Variants in DNAH17 observed in about 807,000 individuals in gnomAD.
The protein encoded by DNAH17 is axonemal beta dynein heavy chain 17.
Under a neutral mutation model 485.6 loss-of-function variants are expected in DNAH17, and 376 were observed. The observed-to-expected ratio is 0.77, with a 90% CI of 0.71 to 0.84. DNAH17 has a LOEUF of 0.84. Ranked by LOEUF, DNAH17 falls within the 40% of genes least tolerant of loss-of-function variation. The pLI, the probability that DNAH17 is intolerant of heterozygous loss-of-function variation, is 0.00. For synonymous variants in DNAH17, 3,031 were observed against 2,405.9 expected (o/e 1.26, Z -7.60); for missense variants, 6,370 against 5,839.3 (o/e 1.09, Z -2.96).
At chr17:78,441,415 C>T (rs2087071472) in intron 71 of DNAH17, among the ~76,000 whole-genome samples, 1 of 152,200 alleles carries the variant, frequency 6.6e-6, no homozygotes, top group African/African-American at 2.4e-5. Flanking sequence ...TCCCGAGGGG[C>T]CCCGCACTGT....
In DNAH17 at chr17:78,428,593, T is replaced by C; in HGVS notation, c.12520A>G (p.Thr4174Ala). Reference protein sequence around the residue: ...LTVTSEKLFRTVLEMQPKETD... With the variant: ...LTVTSEKLFRAVLEMQPKETD... Reference sequence around the variant, plus strand: ...TCTTTTGGCTGCATTTCCAGGACAGTGCGGAACAGCTTCTCTGAGGTGACC... The same window carrying C: ...TCTTTTGGCTGCATTTCCAGGACAGCGCGGAACAGCTTCTCTGAGGTGACC... Residue 4174 changes from threonine (T) to alanine (A), a missense_variant, in exon 77 of 81, where the codon ACT becomes GCT. Physicochemically the swap from Thr to Ala is moderately conservative, Grantham distance 58 (BLOSUM62 0). Transcript: ENST00000389840. The C allele has an allele frequency of 6.2e-7, 1 of 1,613,924 alleles. No individual in the cohort carries two copies. The highest frequency in any genetic ancestry group is 1.1e-5 in the South Asian group (1 of 91,068).
chr17:78,560,751 A>G lies in DNAH17; in HGVS notation c.2020T>C (p.Phe674Leu). ...CTCCTGGCACCCACCGCTTTGCTGA[A>G]GTTGACGTGGATGAGGTTGCTAGCG... ...DAASNLIHVN[F>L]SKALVAVLRE... The change falls in exon 13 of 81, where the codon TTC becomes CTC. Residue 674 changes from phenylalanine to leucine, a missense_variant. By Grantham distance (22) the Phe-to-Leu change is conservative (BLOSUM62 0). Coordinates refer to ENST00000389840, the MANE Select transcript of DNAH17 (RefSeq NM_173628.4). The G allele has an allele frequency of 1.9e-6, 3 of 1,550,594 alleles. No individual in the cohort carries two copies. Among genetic ancestry groups the G allele is most frequent in the Non-Finnish European group, 2.6e-6 (3 of 1,146,138 alleles).
At position 78,425,586 on chromosome 17, in the gene DNAH17, G is replaced by A. The variant is rs763797219; in HGVS notation, c.12916-15C>T. 29 of 1,588,980 alleles carry A rather than the reference G, an allele frequency of 1.8e-5. No individual in the cohort carries two copies. Among genetic ancestry groups the A allele is most frequent in the Admixed American group, 3.5e-5 (2 of 56,404 alleles). On this transcript the variant is annotated splice_polypyrimidine_tract_variant and intron_variant, in intron 79 of 80. Transcript: ENST00000389840. Reference sequence around the variant, plus strand: ...GCCTCGAGTTCCTGCAAGGACACACGAGCCGCTAGGAGGAGAGGACATAGA... The same window carrying A: ...GCCTCGAGTTCCTGCAAGGACACACAAGCCGCTAGGAGGAGAGGACATAGA...
intron 14 of DNAH17, among the ~76,000 whole-genome samples, chr17:78,557,636 CAAAAA>C (rs34251460): frequency 4.8e-4 from 14 of 29,034 alleles, no homozygotes; most frequent in East Asian, 1.7e-3. Flanking sequence ...GAGACTGTCT[CAAAAA>C]AAAAAAAAAA....
At position 78,450,759 on chromosome 17, in the gene DNAH17, C is replaced by G; in HGVS notation, c.10822G>C (p.Gly3608Arg). The G allele has an allele frequency of 6.2e-7, 1 of 1,614,038 alleles. No individual in the cohort carries two copies. Among genetic ancestry groups the G allele is most frequent in the Admixed American group, 1.7e-5 (1 of 60,020 alleles). The change falls in exon 67 of 81, where the codon GGG becomes CGG. Residue 3608 changes from glycine (G) to arginine (R), a missense_variant. Transcript: ENST00000389840. ...SLLARLSAAS[G>R]NFLGDTALVE... ...AAGGCCGTGTCTCCCAGAAAGTTCC[C>G]CGACGCAGCCGACAGACGGGCCAGG...
intron 14 of DNAH17, among the ~76,000 whole-genome samples, chr17:78,553,275 GTTTTTGTGTTTTTTTTTTTTTTTTT>G (rs1213806444): frequency 1.0e-5 from 1 of 98,404 alleles, no homozygotes; most frequent in Non-Finnish European, 2.1e-5. Flanking sequence ...CCAGTCCCAG[GTTTTTGTGTTTTTTTTTTTTTTTTT>G]TTTTTTTTTT....
At chr17:78,521,348 G>C (rs2090928661) in intron 25 of DNAH17, among the ~76,000 whole-genome samples, 1 of 152,148 alleles carries the variant, frequency 6.6e-6, no homozygotes. Context: ...GGAGGTTGCA[G>C]TGAGCCAAGA....
In DNAH17 at chr17:78,494,677, G is replaced by A. The variant is rs766436820; in HGVS notation, c.6186C>T (p.Asp2062=). The change falls in exon 40 of 81, where the codon GAC becomes GAT. Residue 2062 remains aspartate (D), a synonymous_variant. Coordinates refer to ENST00000389840, the MANE Select transcript of DNAH17 (RefSeq NM_173628.4). The part of the protein sequence containing the change: ...RDFNIPKIVT[D]DLPVFMGLIG... ...TCAGTCCCATGAATACGGGCAGGTC[G>A]TCTGTCACAATCTTGGGGATGTTGA... 1.1e-5 allele frequency: 17 copies of A among 1,613,828 alleles called. No individual in the cohort carries two copies. The highest frequency in any genetic ancestry group is 1.7e-5 in the Admixed American group (1 of 60,006).
At chr17:78,504,225 C>A (rs1014160919) in intron 31 of DNAH17, among the ~76,000 whole-genome samples, 1 of 152,004 alleles carries the variant, frequency 6.6e-6, no homozygotes, top group Non-Finnish European at 1.5e-5. Flanking sequence ...GCCACCACAC[C>A]TGGTTAATTT....
intron 31 of DNAH17, among the ~76,000 whole-genome samples, chr17:78,504,709 C>T (rs1053975005): frequency 1.8e-4 from 27 of 152,050 alleles, no homozygotes; most frequent in South Asian, 6.2e-4. Context: ...AGAAGGAGCC[C>T]GCCCTGAGCC....
At chr17:78,512,549 G>C (rs2090661145) in intron 26 of DNAH17, among the ~76,000 whole-genome samples, 1 of 147,252 alleles carries the variant, frequency 6.8e-6, no homozygotes, top group Admixed American at 7.0e-5. Flanking sequence ...AGAAGAAGCA[G>C]ATACAAGAGA....
Position 78,551,505 on chromosome 17 carries a change from G to A in DNAH17, c.2391+30C>T, listed in dbSNP as rs576203149. On this transcript the variant is annotated intron_variant, in intron 16 of 80. Coordinates refer to ENST00000389840, the MANE Select transcript of DNAH17 (RefSeq NM_173628.4). Reference sequence around the variant, plus strand: ...CAGGGCAGCCCCAGGCCCCCACAAAGCCCCACTCTGTGCTCTGCCCCTTGC... The same window carrying A: ...CAGGGCAGCCCCAGGCCCCCACAAAACCCCACTCTGTGCTCTGCCCCTTGC... 8 of 1,605,210 alleles carry A rather than the reference G, an allele frequency of 5.0e-6. No homozygotes were observed. The Admixed American group carries it at 6.7e-5, about 13-fold the overall frequency.
intron 11 of DNAH17, among the ~76,000 whole-genome samples, chr17:78,562,607 G>A (rs2092180872): frequency 6.6e-6 from 1 of 152,110 alleles, no homozygotes. Context: ...GGGCAACAGA[G>A]CAAGACCCTG....
chr17:78,507,489 T>A lies in DNAH17; in HGVS notation c.4553A>T (p.Gln1518Leu), dbSNP rs1413911736. 2 of 1,612,904 alleles carry A rather than the reference T, an allele frequency of 1.2e-6. No individual in the cohort carries two copies. Among genetic ancestry groups the A allele is most frequent in the East Asian group, 4.5e-5 (2 of 44,838 alleles). The part of the protein sequence containing the change: ...DIRTQLPGDS[Q>L]RFDDINQEFK... ...TTCCTGGTTGATGTCGTCAAAGCGCTGGGAGTCCCCCGGGAGCTGGGTGCG... is the reference window on the plus strand; with the variant it reads ...TTCCTGGTTGATGTCGTCAAAGCGCAGGGAGTCCCCCGGGAGCTGGGTGCG... The change falls in exon 28 of 81, where the codon CAG becomes CTG. Residue 1518 changes from glutamine to leucine, a missense_variant. Physicochemically the swap from Gln to Leu is moderately radical, Grantham distance 113. Coordinates refer to ENST00000389840, the MANE Select transcript of DNAH17 (RefSeq NM_173628.4).
At chr17:78,494,207 T>G in intron 40 of DNAH17, 34 bp from the exon 41 acceptor site, 1 of 1,588,300 alleles carries the variant, frequency 6.3e-7, no homozygotes, top group African/African-American at 1.3e-5. Flanking sequence ...GGTGAGGAAC[T>G]GAAGCAGCTT....
chr17:78,571,627 T>C lies in DNAH17; in HGVS notation c.695A>G (p.Asp232Gly). ...GCACTTGAGGTTCAGCAGCCGAGTG[T>C]CCCAGAACTCGAACTCCACTTGGGG... ...PLPQVEFEFW[D>G]TRLLNLKCIH... is the part of the protein sequence containing the mutation. The change falls in exon 4 of 81, where the codon GAC becomes GGC. Residue 232 changes from aspartate to glycine, a missense_variant. Coordinates refer to ENST00000389840, the MANE Select transcript of DNAH17 (RefSeq NM_173628.4). The C allele has an allele frequency of 6.2e-7, 1 of 1,613,960 alleles. No homozygotes were observed. The highest frequency in any genetic ancestry group is 8.5e-7 in the Non-Finnish European group (1 of 1,179,896).
At chr17:78,432,902 G>GCCCGCC (rs1555650504) in intron 75 of DNAH17, among the ~76,000 whole-genome samples, 1 of 61,354 alleles carries the variant, frequency 1.6e-5, no homozygotes, top group African/African-American at 9.7e-5. Context: ...CTTCAAACGT[G>GCCCGCC]CCCCCCCCCC....
In DNAH17 at chr17:78,552,835, C is replaced by T. The variant is rs776127276; in HGVS notation, c.2179-30G>A. On this transcript the variant is annotated intron_variant, in intron 14 of 80. Transcript: ENST00000389840. ...AAAACAGAGGTGACAGGTTTTGTTC[C>T]GAGTCCAACCAGATTTTAAATTGTT... The T allele has an allele frequency of 8.8e-5, 130 of 1,480,512 alleles. 1 individual carries two copies. The East Asian group carries it at 2.5e-3, about 29-fold the overall frequency. 91.7% of individuals were successfully genotyped at this position (1,480,512 alleles called of 1,614,324 possible).
chr17:78,532,558 G>A lies in DNAH17; in HGVS notation c.3038C>T (p.Thr1013Ile), dbSNP rs1002857750. Reference sequence around the variant, plus strand: ...TGTCCAGGTGTCCAAGTCCTCCGCAGTGACTGCACACCCATATATCAGGAA... The same window carrying A: ...TGTCCAGGTGTCCAAGTCCTCCGCAATGACTGCACACCCATATATCAGGAA... ...KNFLIYGCAV[T>I]AEDLDTWTDD... Residue 1013 changes from threonine to isoleucine, a missense_variant, in exon 20 of 81, where the codon ACT (threonine) becomes ATT (isoleucine). Physicochemically the swap from Thr to Ile is moderately conservative, Grantham distance 89 (BLOSUM62 -1). Coordinates refer to ENST00000389840, the MANE Select transcript of DNAH17 (RefSeq NM_173628.4). 6.2e-7 allele frequency: 1 copy of A among 1,610,610 alleles called. No homozygotes were observed. Among genetic ancestry groups the A allele is most frequent in the Non-Finnish European group, 8.5e-7 (1 of 1,178,590 alleles).
Sources: gnomAD v4.1 joint callset for allele counts (sites outside exome capture counted in the v4.1 genomes callset) on GRCh38, gnomAD v4.1.1 for gene constraint, MANE v1.5 for transcripts, NCBI Gene and HGNC (gene_info 2026-07-23, HGNC 2026-07-21) for gene names.